The following CDH5 variants were observed in gnomAD, a reference collection of about 807,000 sequenced individuals.
CDH5 encodes cadherin 5, also known as cadherin-5.
Under a neutral mutation model 62.0 loss-of-function variants are expected in CDH5, and 28 were observed. That is an observed-to-expected ratio of 0.45 (90% CI 0.33 to 0.62). CDH5 has a LOEUF of 0.62. Among genes scored for constraint, CDH5 ranks in the 20% least tolerant of loss-of-function variants. The pLI, the probability that CDH5 is intolerant of heterozygous loss-of-function variation, is 0.02. For missense variants in CDH5, 940 were observed against 1,065.1 expected, an observed-to-expected ratio of 0.88 and a Z score of 1.63; for synonymous variants, 464 against 445.8, an observed-to-expected ratio of 1.04 and a Z score of -0.52.
In CDH5 at chr16:66,398,144, C is replaced by T. The variant is rs756498296; in HGVS notation, c.1485+38C>T. The T allele has an allele frequency of 1.0e-4, 166 of 1,613,270 alleles. 1 individual carries two copies. Among genetic ancestry groups the T allele is most frequent in the Admixed American group, 1.0e-4 (6 of 60,012 alleles). On this transcript the variant is annotated intron_variant, in intron 9 of 11. Coordinates refer to ENST00000341529, the MANE Select transcript of CDH5 (RefSeq NM_001795.5). ...CAGGTGGGAGGGGAAGGCAGCACCA[C>T]CCTGGGGCAGGCTGGGGGGCAGAAC...
Position 66,403,449 on chromosome 16 carries a change from C to G in CDH5, c.*280C>G, listed in dbSNP as rs1421390085. ...CATAACCCTGTCACCCACAGACCGCCGTCTAACTCAAAGACTTCCTCTGGC... is the reference window on the plus strand; with the variant it reads ...CATAACCCTGTCACCCACAGACCGCGGTCTAACTCAAAGACTTCCTCTGGC... On this transcript the variant is annotated 3_prime_UTR_variant, in exon 12 of 12. Transcript: ENST00000341529. This position sits in a 1 kb window ranked among gnomAD's most constrained non-coding sequence, Gnocchi z 4.3. 4.3e-6 allele frequency: 2 copies of G among 460,222 alleles called. No homozygotes were observed. Among genetic ancestry groups the G allele is most frequent in the Non-Finnish European group, 7.9e-6 (2 of 253,690 alleles). The allele number at this position is 460,222 out of a possible 1,614,324, so 28.5% of individuals were successfully genotyped here. A position where few individuals can be genotyped will look rare whatever the true frequency, so the allele number is the denominator to read the frequency against.
At chr16:66,391,515 C>G (rs752010015) in intron 6 of CDH5, among the ~76,000 whole-genome samples, 3 of 151,992 alleles carry the variant, frequency 2.0e-5, no homozygotes, top group Non-Finnish European at 4.4e-5. Context: ...GTTCACGCCT[C>G]TAATCCCAGC....
At chr16:66,379,230 A>T in intron 1 of CDH5, 89 bp from the exon 2 acceptor site, 1 of 945,982 alleles carries the variant, frequency 1.1e-6, no homozygotes. Context: ...TTGGCATTAT[A>T]TCTAGCTGCT....
chr16:66,375,221 A>C (rs1960763659), intron 1 of CDH5, among the ~76,000 whole-genome samples: 1 of 152,208 alleles, frequency 6.6e-6, no homozygotes, highest in Non-Finnish European at 1.5e-5. Flanking sequence ...ACATATCTAA[A>C]TACAGACAAG....
chr16:66,398,667 G>C, intron 10 of CDH5, 106 bp downstream of exon 10: 1 of 647,824 alleles, frequency 1.5e-6, no homozygotes, highest in Non-Finnish European at 2.9e-6. Flanking sequence ...AGGAGTTTGA[G>C]GCTGCAGTGA....
At chr16:66,386,158 A>G (rs1261433251) in intron 2 of CDH5, among the ~76,000 whole-genome samples, 2 of 152,174 alleles carry the variant, frequency 1.3e-5, no homozygotes, top group Non-Finnish European at 2.9e-5. Flanking sequence ...TCCACTCAAA[A>G]AATGTTTTCT....
intron 1 of CDH5, among the ~76,000 whole-genome samples, chr16:66,370,437 G>A (rs1019188953): frequency 6.6e-6 from 1 of 152,198 alleles, no homozygotes; most frequent in Non-Finnish European, 1.5e-5. Flanking sequence ...GCTTCTTTAA[G>A]TTATACCAAC....
chr16:66,368,242 C>G (rs1288620253), intron 1 of CDH5, among the ~76,000 whole-genome samples: 1 of 152,134 alleles, frequency 6.6e-6, no homozygotes, highest in Non-Finnish European at 1.5e-5. Context: ...GGCCAGAAGC[C>G]CTGGTCCATC....
intron 2 of CDH5, among the ~76,000 whole-genome samples, chr16:66,384,481 A>T (rs1960949717): frequency 6.6e-6 from 1 of 151,872 alleles, no homozygotes; most frequent in African/African-American, 2.4e-5. Context: ...AGGCAGACTC[A>T]GTAGCTCATG....
chr16:66,394,872 A>T (rs1961148964), intron 7 of CDH5, among the ~76,000 whole-genome samples: 1 of 128,144 alleles, frequency 7.8e-6, no homozygotes, highest in Non-Finnish European at 1.7e-5. Flanking sequence ...GGTGGGGGGG[A>T]CAGGTTCTTC....
chr16:66,386,886 T>C lies in CDH5; in HGVS notation c.288T>C (p.Asp96=), dbSNP rs967036914. Residue 96 remains aspartate (D), a synonymous_variant, in exon 3 of 12, where the codon GAT becomes GAC. Coordinates refer to ENST00000341529, the MANE Select transcript of CDH5 (RefSeq NM_001795.5). ...ATGTGGGCAAGGTCTTCCGGGTCGA[T>C]GCAGAGACAGGAGACGTGTTCGCCA... ...GEYVGKVFRV[D]AETGDVFAIE... 4.2e-5 allele frequency: 68 copies of C among 1,614,116 alleles called. No homozygotes were observed. The highest frequency in any genetic ancestry group is 5.4e-5 in the Non-Finnish European group (64 of 1,180,052).
intron 8 of CDH5, among the ~76,000 whole-genome samples, chr16:66,397,394 A>AT (rs1304322323): frequency 6.6e-6 from 1 of 151,744 alleles, no homozygotes; most frequent in Non-Finnish European, 1.5e-5. Context: ...AAATGTCTTA[A>AT]TTTTTTTTGT....
intron 1 of CDH5, among the ~76,000 whole-genome samples, chr16:66,378,159 T>G (rs1297155920): frequency 6.6e-6 from 1 of 152,190 alleles, no homozygotes; most frequent in African/African-American, 2.4e-5. Flanking sequence ...CAGTTGGATT[T>G]TCCTAAGAGC....
intron 7 of CDH5, among the ~76,000 whole-genome samples, chr16:66,394,791 T>A (rs1479090967): frequency 6.7e-6 from 1 of 149,626 alleles, no homozygotes; most frequent in East Asian, 2.0e-4. Flanking sequence ...TTGAGATGTT[T>A]AGTTAGATAC....
chr16:66,391,998 C>T, intron 6 of CDH5, 138 bp from the exon 7 acceptor site: 1 of 1,003,112 alleles, frequency 1.0e-6, no homozygotes, highest in Non-Finnish European at 1.5e-6. Flanking sequence ...TCAGAAATAT[C>T]ACTTGTCGAG....
intron 1 of CDH5, among the ~76,000 whole-genome samples, chr16:66,378,666 C>T (rs1015525548): frequency 2.0e-5 from 3 of 152,212 alleles, no homozygotes; most frequent in Non-Finnish European, 4.4e-5. Context: ...ATCAGCCTCA[C>T]ACCCTCTTCC....
At position 66,403,178 on chromosome 16, in the gene CDH5, G is replaced by A. The variant is rs751546427; in HGVS notation, c.*9G>A. ...AGGAGCTGCTGTATTAGGCGGCCGA[G>A]GTCACTCTGGGCCTGGGGACCCAAA... On this transcript the variant is annotated 3_prime_UTR_variant, in exon 12 of 12. Transcript: ENST00000341529. This position sits in a 1 kb window ranked among gnomAD's most constrained non-coding sequence, Gnocchi z 4.3. 1.2e-6 allele frequency: 2 copies of A among 1,600,732 alleles called. No homozygotes were observed. The highest frequency in any genetic ancestry group is 1.1e-5 in the South Asian group (1 of 89,538).
At chr16:66,370,412 T>C (rs888952180) in intron 1 of CDH5, among the ~76,000 whole-genome samples, 3 of 152,194 alleles carry the variant, frequency 2.0e-5, no homozygotes, top group African/African-American at 7.2e-5. Context: ...AGGACCTATT[T>C]GGGAACAAGG....
rs114663895 is a variant in CDH5 at position 66,391,233 on chromosome 16, G to A, written c.969+643G>A. 2.8e-3 allele frequency among the ~76,000 whole-genome samples: 431 copies of A among 152,298 alleles called. 2 individuals are homozygous for A. Among genetic ancestry groups the A allele is most frequent in the African/African-American group, 0.01 (418 of 41,558 alleles). On this transcript the variant is annotated intron_variant, in intron 6 of 11. Transcript: ENST00000341529. ...CATGCTGGGGCTTGGAAACACCAAG[G>A]AGAGGCAGACACAGCCTCCAGTGTC... is the stretch of plus-strand genomic sequence containing the variant.
Sources: allele counts gnomAD v4.1 joint callset (sites outside exome capture counted in the v4.1 genomes callset), GRCh38; gene constraint gnomAD v4.1.1; non-coding constraint Gnocchi (gnomAD v3.1); transcripts MANE v1.5; gene names NCBI Gene and HGNC (gene_info 2026-07-23, HGNC 2026-07-21).